ADAMTS3: variants seen among roughly 807,000 people sequenced by gnomAD.
ADAMTS3 encodes A disintegrin and metalloproteinase with thrombospondin motifs 3.
A neutral mutation model predicts 129.0 loss-of-function variants in ADAMTS3; 73 were observed. The ratio of observed to expected loss-of-function variants is 0.57; its 90% CI spans 0.47 to 0.69. The LOEUF is 0.69. Among genes scored for constraint, ADAMTS3 ranks in the 30% least tolerant of loss-of-function variants. The pLI is 0.00. For synonymous variants in ADAMTS3, 477 were observed against 510.8 expected (o/e 0.93, Z 0.89); for missense variants, 1,457 against 1,514.5 (o/e 0.96, Z 0.63).
chr4:72,409,834 A>G (rs1722144358), intron 4 of ADAMTS3, among the ~76,000 whole-genome samples: 1 of 152,154 alleles, frequency 6.6e-6, no homozygotes, highest in African/African-American at 2.4e-5. Context: ...AACATACAAA[A>G]CTAACCAGAC....
intron 5 of ADAMTS3, among the ~76,000 whole-genome samples, chr4:72,325,761 G>A (rs1719683582): frequency 6.6e-6 from 1 of 152,118 alleles, no homozygotes; most frequent in Non-Finnish European, 1.5e-5. Context: ...TGTAACATAT[G>A]TAATACATCA....
chr4:72,312,163 T>A (rs1049294531), intron 13 of ADAMTS3, 128 bp downstream of exon 13: 2 of 944,392 alleles, frequency 2.1e-6, no homozygotes, highest in African/African-American at 3.3e-5. Flanking sequence ...CAGGAGAACT[T>A]ACTCCTATAA....
intron 3 of ADAMTS3, among the ~76,000 whole-genome samples, chr4:72,465,247 G>A (rs1221163507): frequency 1.3e-5 from 2 of 151,952 alleles, no homozygotes; most frequent in East Asian, 3.9e-4. Context: ...GGATCAAAAG[G>A]AGCCAACTAT....
intron 4 of ADAMTS3, among the ~76,000 whole-genome samples, chr4:72,343,945 G>GGAATTACT (rs1720206910): frequency 6.6e-6 from 1 of 152,038 alleles, no homozygotes; most frequent in South Asian, 2.1e-4. Flanking sequence ...GGTTACCTTA[G>GGAATTACT]GAATTACTGA....
At position 72,340,316 on chromosome 4, in the gene ADAMTS3, A is replaced by AGTGTGTGT. The variant is rs35463239; in HGVS notation, c.662-631_662-624dup. On this transcript the variant is annotated intron_variant, in intron 4 of 21. Transcript: ENST00000286657. Reference sequence around the variant, plus strand: ...ATACAGGGTATATACTATATACATAAGTGTGTGTGTGTGTGTGTGTGTATG... The same window carrying AGTGTGTGT: ...ATACAGGGTATATACTATATACATAAGTGTGTGTGTGTGTGTGTGTGTGTGTGTGTATG... Among the ~76,000 whole-genome samples the AGTGTGTGT allele has an allele frequency of 2.2e-3, 326 of 147,422 alleles. 1 individual carries two copies. The highest frequency in any genetic ancestry group is 6.8e-3 in the African/African-American group (275 of 40,604).
intron 5 of ADAMTS3, among the ~76,000 whole-genome samples, chr4:72,332,372 A>C (rs1719873336): frequency 6.6e-6 from 1 of 152,164 alleles, no homozygotes; most frequent in South Asian, 2.1e-4. Context: ...TTTCTTTACA[A>C]ATATTGGTTA....
intron 3 of ADAMTS3, among the ~76,000 whole-genome samples, chr4:72,474,854 G>A (rs1035123861): frequency 6.6e-6 from 1 of 151,456 alleles, no homozygotes; most frequent in Non-Finnish European, 1.5e-5. Context: ...GTGAAACCCC[G>A]TCTCTACTAA....
intron 4 of ADAMTS3, among the ~76,000 whole-genome samples, chr4:72,353,132 C>T (rs1720487068): frequency 6.6e-6 from 1 of 151,960 alleles, no homozygotes. Flanking sequence ...GCTGAATCCA[C>T]ATGATTTCTT....
In ADAMTS3 at chr4:72,304,197, C is replaced by T. The variant is rs1353963655; in HGVS notation, c.2261-117G>A. The stretch of plus-strand genomic sequence containing the variant: ...AATGACCATGTTTCTTTATTAGTAG[C>T]AAGGAATCAAAATGGGTGTTAGTTC... On this transcript the variant is annotated intron_variant, in intron 16 of 21. Coordinates refer to ENST00000286657, the MANE Select transcript of ADAMTS3 (RefSeq NM_014243.3). 3 of 1,033,648 alleles carry T rather than the reference C, an allele frequency of 2.9e-6. No individual in the cohort carries two copies. In the African/African-American group the frequency reaches 4.9e-5, roughly 17 times the overall value. The allele number at this position is 1,033,648 out of a possible 1,614,324, so 64.0% of individuals were successfully genotyped here. A position where few individuals can be genotyped will look rare whatever the true frequency, so the allele number is the denominator to read the frequency against.
intron 3 of ADAMTS3, among the ~76,000 whole-genome samples, chr4:72,423,329 T>A (rs908676734): frequency 2.0e-5 from 3 of 152,158 alleles, no homozygotes; most frequent in African/African-American, 7.2e-5. Context: ...ATCAATATTG[T>A]GTGTGTAAGA....
At chr4:72,431,479 C>T (rs545059078) in intron 3 of ADAMTS3, among the ~76,000 whole-genome samples, 87 of 152,098 alleles carry the variant, frequency 5.7e-4, no homozygotes, top group African/African-American at 2.0e-3. Context: ...AGTTCTACAC[C>T]TGCCCTCATG....
At chr4:72,504,214 T>A (rs1720097615) in intron 3 of ADAMTS3, among the ~76,000 whole-genome samples, 1 of 152,218 alleles carries the variant, frequency 6.6e-6, no homozygotes, top group Non-Finnish European at 1.5e-5. Context: ...TGTCTTTTTG[T>A]GGTAGCAGGT....
chr4:72,537,053 T>C (rs1721200224), intron 3 of ADAMTS3, among the ~76,000 whole-genome samples: 1 of 152,208 alleles, frequency 6.6e-6, no homozygotes. Flanking sequence ...AACTCTGTAG[T>C]CTACTGAAGG....
chr4:72,531,848 A>G (rs1309489287), intron 3 of ADAMTS3, among the ~76,000 whole-genome samples: 1 of 152,180 alleles, frequency 6.6e-6, no homozygotes, highest in Non-Finnish European at 1.5e-5. Context: ...GTCTAAGTTC[A>G]CACAGTTTCT....
chr4:72,423,758 G>T (rs997404033), intron 3 of ADAMTS3, among the ~76,000 whole-genome samples: 1 of 152,054 alleles, frequency 6.6e-6, no homozygotes, highest in East Asian at 1.9e-4. Context: ...GTTGAGAAGG[G>T]CTGGAAAGTA....
intron 3 of ADAMTS3, among the ~76,000 whole-genome samples, chr4:72,527,427 A>G (rs1162074477): frequency 6.6e-6 from 1 of 152,172 alleles, no homozygotes. Context: ...CTCTAACCTC[A>G]TGGGGCAAAT....
At chr4:72,385,748 AC>A (rs1721428183) in intron 4 of ADAMTS3, among the ~76,000 whole-genome samples, 1 of 152,308 alleles carries the variant, frequency 6.6e-6, no homozygotes. Context: ...TTAATTGAGT[AC>A]TATACTCACT....
rs1485209367 is a variant in ADAMTS3 at position 72,297,060 on chromosome 4, GT to G, written c.2590+1216del. Among the ~76,000 whole-genome samples the G allele has an allele frequency of 2.0e-5, 3 of 152,226 alleles. No individual in the cohort carries two copies. In the East Asian group the frequency reaches 5.8e-4, roughly 29 times the overall value. On this transcript the variant is annotated intron_variant, in intron 18 of 21. Coordinates refer to ENST00000286657, the MANE Select transcript of ADAMTS3 (RefSeq NM_014243.3). Reference sequence around the variant, plus strand: ...TGATGTTGTGTCTTCAGGGCAACATGTTAGAAGACTGAAGGATTTTAATCTG... The same window carrying G: ...TGATGTTGTGTCTTCAGGGCAACATGTAGAAGACTGAAGGATTTTAATCTG...
intron 4 of ADAMTS3, among the ~76,000 whole-genome samples, chr4:72,348,165 T>C (rs1319737680): frequency 6.6e-6 from 1 of 152,028 alleles, no homozygotes; most frequent in Non-Finnish European, 1.5e-5. Context: ...AATCCAGCAA[T>C]GGACGAGACA....
Sources: allele counts gnomAD v4.1 joint callset (sites outside exome capture counted in the v4.1 genomes callset), GRCh38; gene constraint gnomAD v4.1.1; transcripts MANE v1.5; gene names NCBI Gene and HGNC (gene_info 2026-07-23, HGNC 2026-07-21).